Variants in PPP1R21 observed in about 807,000 individuals in gnomAD.
The protein encoded by PPP1R21 is KLRAQ motif containing 1.
In PPP1R21, 85 loss-of-function variants were observed where a neutral mutation model predicts 112.8. The observed-to-expected ratio is 0.75, with a 90% CI of 0.63 to 0.90. The LOEUF (loss-of-function observed/expected upper bound fraction) is 0.90, where lower values mean the gene tolerates loss of function less well. PPP1R21 is among the 40% of genes least tolerant of loss of function. The probability of loss-of-function intolerance (pLI) is 0.00; values close to 1 mark genes in which losing one functional copy is unlikely to be tolerated. For missense variants in PPP1R21, 1,199 were observed against 901.5 expected (o/e 1.33, Z -4.23); for synonymous variants, 381 against 322.3 (o/e 1.18, Z -1.95).
intron 1 of PPP1R21, among the ~76,000 whole-genome samples, chr2:48,449,538 T>C (rs1443992833): frequency 6.6e-6 from 1 of 152,222 alleles, no homozygotes; most frequent in Non-Finnish European, 1.5e-5. Flanking sequence ...AGTCTGTCTT[T>C]TGCTCAAACT....
intron 13 of PPP1R21, among the ~76,000 whole-genome samples, chr2:48,480,754 G>A (rs558277127): frequency 6.6e-6 from 1 of 152,280 alleles, no homozygotes; most frequent in East Asian, 1.9e-4. Context: ...AAATAGTCCA[G>A]GTGCCTGGAT....
At chr2:48,499,598 GAAAT>G (rs1368398070) in intron 17 of PPP1R21, among the ~76,000 whole-genome samples, 1 of 152,058 alleles carries the variant, frequency 6.6e-6, no homozygotes, top group African/African-American at 2.4e-5. Context: ...TAATAAAAAA[GAAAT>G]AACCACAAAT....
chr2:48,456,677 A>G (rs1390748256), intron 3 of PPP1R21, among the ~76,000 whole-genome samples: 2 of 152,186 alleles, frequency 1.3e-5, no homozygotes, highest in African/African-American at 4.8e-5. Context: ...AGCATTCCCG[A>G]GAGTGTTAGT....
intron 17 of PPP1R21, among the ~76,000 whole-genome samples, chr2:48,501,084 A>T (rs1382163000): frequency 2.6e-5 from 4 of 152,178 alleles, no homozygotes; most frequent in Non-Finnish European, 5.9e-5. Flanking sequence ...GTTGCCTCTG[A>T]TGGGACAAGA....
chr2:48,510,172 C>T, intron 20 of PPP1R21, 59 bp downstream of exon 20: 3 of 1,289,322 alleles, frequency 2.3e-6, no homozygotes, highest in Non-Finnish European at 3.3e-6. Flanking sequence ...TCTTTGGTAG[C>T]AAAGCAGCAT....
intron 9 of PPP1R21, among the ~76,000 whole-genome samples, chr2:48,468,860 T>G (rs1339018462): frequency 2.0e-5 from 3 of 151,572 alleles, no homozygotes; most frequent in Non-Finnish European, 4.4e-5. Context: ...TGTGTGTGTA[T>G]GTATATATGT....
intron 2 of PPP1R21, among the ~76,000 whole-genome samples, chr2:48,453,677 C>G (rs1667584214): frequency 6.6e-6 from 1 of 152,150 alleles, no homozygotes; most frequent in African/African-American, 2.4e-5. Context: ...AAAATGGTCA[C>G]CAGAGGGTGT....
chr2:48,502,543 C>T (rs1223833602), intron 17 of PPP1R21, among the ~76,000 whole-genome samples: 1 of 152,022 alleles, frequency 6.6e-6, no homozygotes, highest in Non-Finnish European at 1.5e-5. Context: ...CTGTCTTCTT[C>T]CTCTTGGGTG....
At chr2:48,493,011 C>CTTTTTTTTT (rs746795481) in intron 15 of PPP1R21, among the ~76,000 whole-genome samples, 4 of 96,662 alleles carry the variant, frequency 4.1e-5, no homozygotes, top group Non-Finnish European at 6.1e-5. Flanking sequence ...GGTCATTTAC[C>CTTTTTTTTT]TTTTTTTTTT....
chr2:48,490,373 G>T (rs907834054), intron 14 of PPP1R21, among the ~76,000 whole-genome samples: 4 of 152,176 alleles, frequency 2.6e-5, no homozygotes, highest in African/African-American at 9.7e-5. Context: ...TAAAGTACTT[G>T]TTGAGATACA....
At position 48,469,504 on chromosome 2, in the gene PPP1R21, T is replaced by TATAG. The variant is rs1553339264; in HGVS notation, c.898-1582_898-1581insTAGA. Among the ~76,000 whole-genome samples, 29 of 40,822 alleles carry TATAG rather than the reference T, an allele frequency of 7.1e-4. 3 individuals are homozygous for TATAG. Among genetic ancestry groups the TATAG allele is most frequent in the Admixed American group, 3.1e-3 (11 of 3,512 alleles). 26.8% of individuals were successfully genotyped at this position (40,822 alleles called of 152,430 possible). ...TATATAGAGCATATATATATATATA[T>TATAG]AGAGCATATATATATATATATATAT... is the stretch of plus-strand genomic sequence containing the variant. On this transcript the variant is annotated intron_variant, in intron 9 of 21. Coordinates refer to ENST00000294952, the MANE Select transcript of PPP1R21 (RefSeq NM_001135629.3).
intron 3 of PPP1R21, among the ~76,000 whole-genome samples, chr2:48,456,899 A>C (rs565207997): frequency 2.0e-5 from 3 of 152,236 alleles, no homozygotes; most frequent in African/African-American, 7.2e-5. Context: ...AAAAATACAA[A>C]AAATTAGCCC....
rs578053405 is a variant in PPP1R21 at position 48,506,325 on chromosome 2, T to A, written c.1968+729T>A. Among the ~76,000 whole-genome samples the A allele has an allele frequency of 5.9e-5, 9 of 151,988 alleles. No homozygotes were observed. The South Asian group carries it at 1.9e-3, about 32-fold the overall frequency. Reference sequence around the variant, plus strand: ...GCCAGGCTGGTCTCAAACTCCTGAGTTCAGGTGATCCATCTGCCTCGGCCT... The same window carrying A: ...GCCAGGCTGGTCTCAAACTCCTGAGATCAGGTGATCCATCTGCCTCGGCCT... On this transcript the variant is annotated intron_variant, in intron 18 of 21. Coordinates refer to ENST00000294952, the MANE Select transcript of PPP1R21 (RefSeq NM_001135629.3).
chr2:48,503,598 G>T (rs1004239130), intron 17 of PPP1R21, among the ~76,000 whole-genome samples: 2 of 152,156 alleles, frequency 1.3e-5, no homozygotes, highest in African/African-American at 2.4e-5. Context: ...GACTGTATCA[G>T]TTTATACTAT....
At chr2:48,479,143 A>G (rs1668890160) in intron 12 of PPP1R21, among the ~76,000 whole-genome samples, 1 of 152,046 alleles carries the variant, frequency 6.6e-6, no homozygotes, top group Non-Finnish European at 1.5e-5. Flanking sequence ...CCATCTTAGG[A>G]GTAGGGGCTG....
At chr2:48,451,831 CTT>C (rs1667489046) in intron 2 of PPP1R21, among the ~76,000 whole-genome samples, 1 of 152,176 alleles carries the variant, frequency 6.6e-6, no homozygotes, top group African/African-American at 2.4e-5. Context: ...ACTTCTGTCT[CTT>C]TTTGGATAAG....
intron 17 of PPP1R21, among the ~76,000 whole-genome samples, chr2:48,501,570 G>C (rs1670114728): frequency 6.6e-6 from 1 of 152,174 alleles, no homozygotes; most frequent in Non-Finnish European, 1.5e-5. Flanking sequence ...TAAGTGATGG[G>C]ATGTCTCATC....
Position 48,471,016 on chromosome 2 carries a change from T to A in PPP1R21, c.898-71T>A, listed in dbSNP as rs143209528. ...CAATTTAGGTTTATAATTTGGTGGG[T>A]CCATTTAGAAATGTGTTGATGTTTG... On this transcript the variant is annotated intron_variant, in intron 9 of 21. Transcript: ENST00000294952. 6,888 of 1,037,806 alleles carry A rather than the reference T, an allele frequency of 6.6e-3. 38 individuals carry two copies. Among genetic ancestry groups the A allele is most frequent in the Non-Finnish European group, 7.1e-3 (4,770 of 672,388 alleles). The allele number at this position is 1,037,806 out of a possible 1,614,324, so 64.3% of individuals were successfully genotyped here.
intron 11 of PPP1R21, chr2:48,471,591 G>C (rs891584043): frequency 1.6e-5 from 7 of 446,454 alleles, no homozygotes; most frequent in African/African-American, 4.0e-5. Flanking sequence ...CAGTTGTTCT[G>C]TACTGTGGTT....
Sources: gnomAD v4.1 joint callset for allele counts (sites outside exome capture counted in the v4.1 genomes callset) on GRCh38, gnomAD v4.1.1 for gene constraint, MANE v1.5 for transcripts, NCBI Gene and HGNC (gene_info 2026-07-23, HGNC 2026-07-21) for gene names.